The following INTS7 variants were observed in gnomAD, a reference collection of about 807,000 sequenced individuals.
INTS7 encodes integrator complex subunit 7.
Under a neutral mutation model 109.2 loss-of-function variants are expected in INTS7, and 46 were observed. That is an observed-to-expected ratio of 0.42 (90% CI 0.33 to 0.54). The LOEUF (loss-of-function observed/expected upper bound fraction) is 0.54, where lower values mean the gene tolerates loss of function less well. INTS7 is among the 20% of genes least tolerant of loss of function. INTS7 has a pLI of 0.07. For synonymous variants in INTS7, 412 were observed against 402.9 expected (o/e 1.02, Z -0.27); for missense variants, 929 against 1,132.4 (o/e 0.82, Z 2.58).
chr1:211,983,055 AT>A (rs143658375), intron 8 of INTS7, among the ~76,000 whole-genome samples: 4,167 of 152,290 alleles, frequency 0.027, 79 homozygotes, highest in Non-Finnish European at 0.04. Context: ...TTCTTAAAAA[AT>A]ATTAATAAAA....
At chr1:211,949,256 G>A (rs781021048) in intron 17 of INTS7, among the ~76,000 whole-genome samples, 1 of 152,048 alleles carries the variant, frequency 6.6e-6, no homozygotes, top group Non-Finnish European at 1.5e-5. Flanking sequence ...CCCCACTCCC[G>A]TGACTTTAAG....
At chr1:211,997,549 A>G (rs999454708) in intron 7 of INTS7, among the ~76,000 whole-genome samples, 2 of 150,278 alleles carry the variant, frequency 1.3e-5, no homozygotes, top group Non-Finnish European at 3.0e-5. Flanking sequence ...AAAAAAAAAA[A>G]AGGGAGAGAT....
At chr1:212,011,832 A>G (rs143113674) in intron 4 of INTS7, among the ~76,000 whole-genome samples, 1 of 152,364 alleles carries the variant, frequency 6.6e-6, no homozygotes, top group Admixed American at 6.5e-5. Flanking sequence ...AAGACTTCTC[A>G]TAACAACTTA....
At chr1:211,968,082 T>A in intron 14 of INTS7, 101 bp from the exon 15 acceptor site, 1 of 585,368 alleles carries the variant, frequency 1.7e-6, no homozygotes, top group Non-Finnish European at 2.9e-6. Flanking sequence ...CAATAACAAT[T>A]CAAAAAAAAT....
intron 7 of INTS7, among the ~76,000 whole-genome samples, chr1:211,993,664 G>T (rs1448892585): frequency 6.9e-6 from 1 of 145,792 alleles, no homozygotes; most frequent in Non-Finnish European, 1.5e-5. Flanking sequence ...TGGGTGACAG[G>T]GTGAGACTAA....
rs1047312072 is a variant in INTS7 at position 211,941,656 on chromosome 1, C to A, written c.*168G>T. 5 of 978,244 alleles carry A rather than the reference C, an allele frequency of 5.1e-6. No homozygotes were observed. Among genetic ancestry groups the A allele is most frequent in the Non-Finnish European group, 2.9e-6 (2 of 682,158 alleles). The allele number at this position is 978,244 out of a possible 1,614,324, so 60.6% of individuals were successfully genotyped here. A position where few individuals can be genotyped will look rare whatever the true frequency, so the allele number is the denominator to read the frequency against. On this transcript the variant is annotated 3_prime_UTR_variant, in exon 20 of 20. Transcript: ENST00000366994. ...GGCGTGAGCAACCACGCCCAGCTGT[C>A]AGACAAAATTTTTAAGAAAACAAAA...
chr1:212,004,341 C>CA (rs1214128983), intron 7 of INTS7, among the ~76,000 whole-genome samples: 1 of 151,276 alleles, frequency 6.6e-6, no homozygotes, highest in African/African-American at 2.4e-5. Context: ...AATTCTGTCT[C>CA]AAAAAAACCC....
intron 17 of INTS7, among the ~76,000 whole-genome samples, chr1:211,949,800 G>GCTA (rs1420742524): frequency 2.0e-5 from 3 of 152,204 alleles, no homozygotes; most frequent in Admixed American, 1.3e-4. Context: ...CTGGCCACTG[G>GCTA]CTACCTCTCT....
intron 4 of INTS7, among the ~76,000 whole-genome samples, chr1:212,013,746 C>G (rs1482601486): frequency 1.3e-5 from 2 of 152,204 alleles, no homozygotes; most frequent in Non-Finnish European, 2.9e-5. Context: ...ATACTTACCA[C>G]TGTGTTCCAA....
Position 211,959,675 on chromosome 1 carries a change from C to T in INTS7, c.2183+6755G>A, listed in dbSNP as rs950924981. Among the ~76,000 whole-genome samples the T allele has an allele frequency of 6.6e-6, 1 of 151,802 alleles. No homozygotes were observed. Among genetic ancestry groups the T allele is most frequent in the African/African-American group, 2.4e-5 (1 of 41,180 alleles). On this transcript the variant is annotated intron_variant, in intron 16 of 19. Coordinates refer to ENST00000366994, the MANE Select transcript of INTS7 (RefSeq NM_015434.4). The surrounding 1 kb of genome is among the most constrained non-coding windows in gnomAD (Gnocchi z 4.2). ...CATTACCGCCATTGCATTTGGAGCT[C>T]CTGTGTCAACATTGCCCTGGGAGTG...
intron 1 of INTS7, among the ~76,000 whole-genome samples, chr1:212,027,346 T>C (rs976174879): frequency 6.6e-6 from 1 of 152,164 alleles, no homozygotes. Flanking sequence ...TTGTATTGCT[T>C]GCTACAGGAA....
At chr1:211,962,260 TA>T (rs35134976) in intron 16 of INTS7, among the ~76,000 whole-genome samples, 37,339 of 79,460 alleles carry the variant, frequency 0.47, 7,123 homozygotes, top group South Asian at 0.53. Flanking sequence ...CAACAAAGAT[TA>T]AAAAAAAAAA....
In INTS7 at chr1:212,000,839, G is replaced by C. The variant is rs534774239; in HGVS notation, c.879+5800C>G. 3.3e-5 allele frequency among the ~76,000 whole-genome samples: 5 copies of C among 152,092 alleles called. No individual in the cohort carries two copies. In the East Asian group the frequency reaches 9.7e-4, roughly 29 times the overall value. ...CATTCACCTACATTAGGCTTCTTAA[G>C]GTCTTCCTTCCTATTCTATGTGAAC... is the stretch of plus-strand genomic sequence containing the variant. On this transcript the variant is annotated intron_variant, in intron 7 of 19. Coordinates refer to ENST00000366994, the MANE Select transcript of INTS7 (RefSeq NM_015434.4).
chr1:211,996,750 C>T (rs376646563), intron 7 of INTS7, among the ~76,000 whole-genome samples: 19 of 152,118 alleles, frequency 1.2e-4, no homozygotes, highest in Admixed American at 8.5e-4. Flanking sequence ...TATGGCCTGG[C>T]GCAGTGGTAC....
Position 211,978,373 on chromosome 1 carries a change from C to A in INTS7, c.1369G>T (p.Ala457Ser). ...TCACCCAGCACCGGCAGTTGCATGG[C>A]AATGGCTGCCAGGCAATGGCACATC... ...ILMCHCLAAI[A>S]MQLPVLGDGM... Residue 457 changes from alanine (A) to serine (S), a missense_variant, in exon 11 of 20, where the codon GCC becomes TCC. By Grantham distance (99) the Ala-to-Ser change is moderately conservative (BLOSUM62 1). Around this residue, in one of 2 missense-constraint regions of INTS7, gnomAD observed 787 missense variants for 901.1 expected, o/e 0.87. Coordinates refer to ENST00000366994, the MANE Select transcript of INTS7 (RefSeq NM_015434.4). 6.2e-7 allele frequency: 1 copy of A among 1,614,164 alleles called. No individual in the cohort carries two copies.
At chr1:212,019,770 T>C (rs1474729170) in intron 3 of INTS7, among the ~76,000 whole-genome samples, 1 of 152,154 alleles carries the variant, frequency 6.6e-6, no homozygotes, top group African/African-American at 2.4e-5. Flanking sequence ...AGGAAGAATA[T>C]AGAAAACTGA....
chr1:212,029,918 G>A (rs1408810328), intron 1 of INTS7, among the ~76,000 whole-genome samples: 1 of 152,124 alleles, frequency 6.6e-6, no homozygotes, highest in Non-Finnish European at 1.5e-5. Flanking sequence ...ATAGAAACAA[G>A]TAAAATGACA....
Position 211,968,705 on chromosome 1 carries a change from T to G in INTS7, c.1818A>C (p.Ala606=). The change falls in exon 14 of 20, where the codon GCA becomes GCC. Residue 606 remains alanine, a splice_region_variant and synonymous_variant. Transcript: ENST00000366994. ...FYHKGIASLT[A]ASTPLNPLSF... ...TTAAAGGATTCAGTGGTGTACTAGC[T>G]GCCTGGGAAAAAAAAAAAAAAGAGA... The G allele has an allele frequency of 6.5e-7, 1 of 1,549,270 alleles. No homozygotes were observed. Among genetic ancestry groups the G allele is most frequent in the South Asian group, 1.2e-5 (1 of 85,082 alleles).
rs750212301 is a variant in INTS7, at chr1:211,982,813, A to T, written c.998-3T>A. On this transcript the variant is annotated splice_polypyrimidine_tract_variant and splice_region_variant and intron_variant, in intron 8 of 19. Coordinates refer to ENST00000366994, the MANE Select transcript of INTS7 (RefSeq NM_015434.4). ...TCTGGGAGAAGAACTCACATTTCCT[A>T]AAAAAGCAGAGAAAAGTAGTAGAAA... is the stretch of plus-strand genomic sequence containing the variant. The T allele has an allele frequency of 1.3e-6, 2 of 1,599,670 alleles. No individual in the cohort carries two copies. Among genetic ancestry groups the T allele is most frequent in the South Asian group, 2.3e-5 (2 of 88,706 alleles).
Sources: allele counts gnomAD v4.1 joint callset (sites outside exome capture counted in the v4.1 genomes callset), GRCh38; gene constraint gnomAD v4.1.1; regional missense constraint gnomAD v4.1.1; non-coding constraint Gnocchi (gnomAD v3.1); transcripts MANE v1.5; gene names NCBI Gene and HGNC (gene_info 2026-07-23, HGNC 2026-07-21).